The following RNF17 variants were observed in gnomAD, a reference collection of about 807,000 sequenced individuals.
RNF17 encodes the protein ring finger protein 17, also known as spermatogenesis associated 23.
A neutral mutation model predicts 200.5 loss-of-function variants in RNF17; 31 were observed. That is an observed-to-expected ratio of 0.15 (90% confidence interval 0.12 to 0.21). The LOEUF is 0.21. RNF17 is among the 10% of genes least tolerant of loss of function. The pLI is 1.00. For missense variants in RNF17, 1,628 were observed against 1,905.1 expected, an observed-to-expected ratio of 0.85 and a Z score of 2.71; for synonymous variants, 606 against 637.8, an observed-to-expected ratio of 0.95 and a Z score of 0.75.
chr13:24,751,243 A>G, the RNF17 span: 1 of 151,728 alleles, frequency 6.6e-6, no homozygotes, highest in African/African-American at 2.4e-5. Context: ...ATTTTGTTGC[A>G]TTGATCCATC....
chr13:24,886,682 TA>T, the RNF17 span, among the ~76,000 whole-genome samples: 2 of 152,178 alleles, frequency 1.3e-5, no homozygotes, highest in Non-Finnish European at 2.9e-5. Flanking sequence ...CCCCACAGGT[TA>T]TGTGTGCAAA....
At chr13:24,886,604 T>C in the RNF17 span, among the ~76,000 whole-genome samples, 1 of 152,166 alleles carries the variant, frequency 6.6e-6, no homozygotes, top group African/African-American at 2.4e-5. Flanking sequence ...AAGGGGCAGA[T>C]GGCAGACAAG....
intron 29 of RNF17, among the ~76,000 whole-genome samples, chr13:24,865,421 A>C (rs55861839): frequency 6.6e-6 from 1 of 152,132 alleles, no homozygotes; most frequent in African/African-American, 2.4e-5. Flanking sequence ...CCAGAGTCAC[A>C]TTTTGAGCTT....
At chr13:24,751,211 G>A in the RNF17 span, 1 of 151,904 alleles carries the variant, frequency 6.6e-6, no homozygotes, top group Non-Finnish European at 1.5e-5. Flanking sequence ...GGAAATTGCT[G>A]ATGGTAAGTT....
At chr13:24,853,828 A>G in intron 24 of RNF17, 27 bp from the exon 25 acceptor site, 1 of 1,533,224 alleles carries the variant, frequency 6.5e-7, no homozygotes, top group Non-Finnish European at 8.8e-7. Context: ...GCTTATGTTT[A>G]GATGTGTTCT....
At chr13:24,757,905 G>A in the RNF17 span, among the ~76,000 whole-genome samples, 3 of 152,150 alleles carry the variant, frequency 2.0e-5, no homozygotes, top group Non-Finnish European at 4.4e-5. Context: ...TGTTGGAGGT[G>A]GGGTCTGGTG....
Position 24,854,039 on chromosome 13 carries a change from A to G in RNF17, c.3505A>G (p.Thr1169Ala), listed in dbSNP as rs1892216121. ...GGAGAAAATTCTAGAACCAAGAACC[A>G]CTAGAGGGTATAAGCCACCAGCTAT... ...FQEKILEPRT[T>A]RGYKPPAIPN... The change falls in exon 25 of 36, where the codon ACT (threonine) becomes GCT (alanine). Residue 1169 changes from threonine to alanine, a missense_variant. Thr to Ala is a moderately conservative substitution (Grantham distance 58). Transcript: ENST00000255324. 1.2e-6 allele frequency: 2 copies of G among 1,613,920 alleles called. No homozygotes were observed. The highest frequency in any genetic ancestry group is 1.3e-5 in the African/African-American group (1 of 74,930).
At chr13:24,807,105 A>G (rs1195733759) in intron 15 of RNF17, among the ~76,000 whole-genome samples, 1 of 151,688 alleles carries the variant, frequency 6.6e-6, no homozygotes, top group African/African-American at 2.4e-5. Context: ...GCCACAATAA[A>G]CATACGTGTG....
At chr13:24,816,018 C>A (rs71431705) in intron 15 of RNF17, among the ~76,000 whole-genome samples, 2 of 152,200 alleles carry the variant, frequency 1.3e-5, no homozygotes, top group Non-Finnish European at 2.9e-5. Context: ...CCTCAGCCTT[C>A]TGAGTTGCTG....
At chr13:24,775,329 C>T (rs779018959) in intron 3 of RNF17, among the ~76,000 whole-genome samples, 5 of 152,104 alleles carry the variant, frequency 3.3e-5, no homozygotes, top group African/African-American at 2.4e-5. Context: ...GGCTCACTGC[C>T]GCCTCAGACT....
chr13:24,820,174 G>A (rs1469220763), intron 15 of RNF17, among the ~76,000 whole-genome samples: 1 of 147,194 alleles, frequency 6.8e-6, no homozygotes, highest in Non-Finnish European at 1.5e-5. Flanking sequence ...CCAGGCTGGA[G>A]GCAGTGGCAC....
chr13:24,785,533 T>C (rs893921818), intron 6 of RNF17, among the ~76,000 whole-genome samples: 3 of 152,214 alleles, frequency 2.0e-5, no homozygotes, highest in South Asian at 2.1e-4. Flanking sequence ...TGTCTCAAAA[T>C]GTTACATGCA....
chr13:24,831,822 A>T (rs1000390312), intron 17 of RNF17, 36 bp from the exon 18 acceptor site: 4 of 1,571,074 alleles, frequency 2.5e-6, no homozygotes, highest in South Asian at 2.4e-5. Context: ...TAGAAATTAA[A>T]TTTTTTTCTT....
intron 7 of RNF17, 21 bp from the exon 8 acceptor site, chr13:24,789,327 G>T: frequency 6.8e-7 from 1 of 1,476,742 alleles, no homozygotes; most frequent in South Asian, 1.2e-5. Flanking sequence ...ACACATGAAT[G>T]ATTTTTTTTT....
chr13:24,846,950 G>A (rs1891317261), intron 22 of RNF17, among the ~76,000 whole-genome samples: 1 of 151,840 alleles, frequency 6.6e-6, no homozygotes, highest in Non-Finnish European at 1.5e-5. Context: ...TTAGAAATAT[G>A]TTTACCAATA....
At position 24,825,854 on chromosome 13, in the gene RNF17, G is replaced by A. The variant is rs563881826; in HGVS notation, c.2245+82G>A. 7.5e-5 allele frequency: 110 copies of A among 1,462,002 alleles called. 3 individuals are homozygous for A. In the South Asian group the frequency reaches 1.5e-3, roughly 20 times the overall value. 90.6% of individuals were successfully genotyped at this position (1,462,002 alleles called of 1,614,324 possible). A position where few individuals can be genotyped will look rare whatever the true frequency, so the allele number is the denominator to read the frequency against. On this transcript the variant is annotated intron_variant, in intron 16 of 35. Coordinates refer to ENST00000255324, the MANE Select transcript of RNF17 (RefSeq NM_031277.3). ...TTTGAGTTGGTACCAATTCAATCTT[G>A]GAAGTAATGTTATTTGATCTTATCA...
intron 15 of RNF17, among the ~76,000 whole-genome samples, chr13:24,814,414 T>C (rs192188943): frequency 1.9e-4 from 29 of 152,346 alleles, no homozygotes; most frequent in African/African-American, 7.0e-4. Context: ...ATTGTTTCTT[T>C]TGTTGCTTGT....
In RNF17 at chr13:24,876,965, G is replaced by T. The variant is rs755969451; in HGVS notation, c.4584-32G>T. 5.2e-6 allele frequency: 8 copies of T among 1,530,030 alleles called. No individual in the cohort carries two copies. In the South Asian group the frequency reaches 7.4e-5, roughly 14 times the overall value. 94.8% of individuals were successfully genotyped at this position (1,530,030 alleles called of 1,614,324 possible). A position where few individuals can be genotyped will look rare whatever the true frequency, so the allele number is the denominator to read the frequency against. On this transcript the variant is annotated intron_variant, in intron 33 of 35. Coordinates refer to ENST00000255324, the MANE Select transcript of RNF17 (RefSeq NM_031277.3). The stretch of plus-strand genomic sequence containing the variant: ...GAATTGGATAGTTTCAGCCGGAAGA[G>T]AATTTTAATGTAAGAATTTCTTTTG...
intron 15 of RNF17, among the ~76,000 whole-genome samples, chr13:24,822,772 C>T (rs1484599658): frequency 1.3e-5 from 2 of 152,208 alleles, no homozygotes; most frequent in South Asian, 2.1e-4. Flanking sequence ...CCTAAAGGGT[C>T]GTGAATATAA....
Sources: gnomAD v4.1 joint callset for allele counts (sites outside exome capture counted in the v4.1 genomes callset) on GRCh38, gnomAD v4.1.1 for gene constraint, MANE v1.5 for transcripts, NCBI Gene and HGNC (gene_info 2026-07-23, HGNC 2026-07-21) for gene names.